Variants in LRRN1 observed in about 807,000 individuals in gnomAD.
The protein encoded by LRRN1 is leucine-rich repeat neuronal protein 1.
In LRRN1, 14 loss-of-function variants were observed where a neutral mutation model predicts 45.8. That is an observed-to-expected ratio of 0.31 (90% CI 0.20 to 0.48). The LOEUF (loss-of-function observed/expected upper bound fraction) is 0.48, where lower values mean the gene tolerates loss of function less well. LRRN1 is among the 20% of genes least tolerant of loss of function. The pLI is 0.99. For synonymous variants in LRRN1, 359 were observed against 330.1 expected, an observed-to-expected ratio of 1.09 and a Z score of -0.95; for missense variants, 789 against 874.2, an observed-to-expected ratio of 0.90 and a Z score of 1.23.
chr3:3,801,002 T>G (rs1035036476), intron 1 of LRRN1: 1 of 152,302 alleles, frequency 6.6e-6, no homozygotes, highest in Non-Finnish European at 1.5e-5. Flanking sequence ...CGGGGAAAAG[T>G]CCAGCAGCGA....
At chr3:3,803,169 T>C (rs1692690860) in intron 1 of LRRN1, among the ~76,000 whole-genome samples, 1 of 152,232 alleles carries the variant, frequency 6.6e-6, no homozygotes, top group South Asian at 2.1e-4. Context: ...GGCCACCTTC[T>C]TGATCTAAAC....
intron 1 of LRRN1, among the ~76,000 whole-genome samples, chr3:3,801,747 G>C (rs1267089949): frequency 1.3e-5 from 2 of 152,178 alleles, no homozygotes; most frequent in African/African-American, 2.4e-5. Flanking sequence ...TGTATTGAAA[G>C]CTCAAAGTGC....
At chr3:3,827,832 G>T (rs990795373) in intron 1 of LRRN1, among the ~76,000 whole-genome samples, 6 of 152,026 alleles carry the variant, frequency 3.9e-5, no homozygotes, top group Admixed American at 3.9e-4. Context: ...TTTATAAATT[G>T]CCTGGATAGG....
chr3:3,843,480 A>G (rs1416767577), intron 1 of LRRN1, among the ~76,000 whole-genome samples: 2 of 151,446 alleles, frequency 1.3e-5, no homozygotes, highest in Non-Finnish European at 2.9e-5. Flanking sequence ...TAGAATATTC[A>G]CAGAATTGTG....
chr3:3,833,073 G>A (rs1345954554), intron 1 of LRRN1, among the ~76,000 whole-genome samples: 10 of 152,270 alleles, frequency 6.6e-5, no homozygotes, highest in Admixed American at 2.0e-4. Context: ...TGTTCCCACC[G>A]TTAGATCTGA....
intron 1 of LRRN1, among the ~76,000 whole-genome samples, chr3:3,843,570 C>G (rs997588329): frequency 5.4e-5 from 5 of 92,372 alleles, no homozygotes; most frequent in South Asian, 9.7e-4. Context: ...TCCCACTGTA[C>G]CCCCCCCCAT....
chr3:3,831,259 G>A (rs898014084), intron 1 of LRRN1, among the ~76,000 whole-genome samples: 1 of 152,172 alleles, frequency 6.6e-6, no homozygotes, highest in Admixed American at 6.5e-5. Context: ...TGTAGGAGGG[G>A]CCAAATACAG....
chr3:3,803,171 G>T (rs1692690907), intron 1 of LRRN1, among the ~76,000 whole-genome samples: 1 of 152,144 alleles, frequency 6.6e-6, no homozygotes, highest in Non-Finnish European at 1.5e-5. Context: ...CCACCTTCTT[G>T]ATCTAAACTG....
chr3:3,843,573 C>G (rs545877430), intron 1 of LRRN1, among the ~76,000 whole-genome samples: 11 of 151,562 alleles, frequency 7.3e-5, no homozygotes, highest in Non-Finnish European at 1.5e-4. Context: ...CACTGTACCC[C>G]CCCCCATACC....
At position 3,845,329 on chromosome 3, in the gene LRRN1, A is replaced by G. The variant is rs773191726; in HGVS notation, c.688A>G (p.Ile230Val). The G allele has an allele frequency of 6.8e-6, 11 of 1,614,122 alleles. No homozygotes were observed. Among genetic ancestry groups the G allele is most frequent in the Non-Finnish European group, 9.3e-6 (11 of 1,180,020 alleles). ...LVLAGMYLTD[I>V]PGNALVGLDS... is the part of the protein sequence containing the mutation. ...TTTGGCAGGAATGTATCTCACTGAT[A>G]TTCCTGGAAATGCTTTGGTGGGTCT... Residue 230 changes from isoleucine (I) to valine (V), a missense_variant, in exon 2 of 2, where the codon ATT becomes GTT. By Grantham distance (29) the Ile-to-Val change is conservative (BLOSUM62 3). Coordinates refer to ENST00000319331, the MANE Select transcript of LRRN1 (RefSeq NM_020873.7). The surrounding 1 kb of genome is among the most constrained non-coding windows in gnomAD (Gnocchi z 6.5).
chr3:3,837,199 T>C (rs13083087), intron 1 of LRRN1, among the ~76,000 whole-genome samples: 1 of 152,032 alleles, frequency 6.6e-6, no homozygotes, highest in Non-Finnish European at 1.5e-5. Flanking sequence ...GCCCTGAGTG[T>C]GCAAAAAGAA....
chr3:3,813,658 C>T (rs1389471242), intron 1 of LRRN1, among the ~76,000 whole-genome samples: 1 of 152,088 alleles, frequency 6.6e-6, no homozygotes, highest in African/African-American at 2.4e-5. Flanking sequence ...AAACTCCAGT[C>T]CTATATTTCC....
chr3:3,841,304 A>G (rs1297748272), intron 1 of LRRN1, among the ~76,000 whole-genome samples: 1 of 150,348 alleles, frequency 6.7e-6, no homozygotes, highest in African/African-American at 2.4e-5. Context: ...AAAAAAAAAA[A>G]AAAATTAGTT....
In LRRN1 at chr3:3,835,607, G is replaced by A. The variant is rs183854588; in HGVS notation, c.-278-8757G>A. On this transcript the variant is annotated intron_variant, in intron 1 of 1. Transcript: ENST00000319331. ...TGATTTTTTTTTTTTTTTTTTTGCA[G>A]TAACAGAAATACAAATAACTAGCTT... Among the ~76,000 whole-genome samples the A allele has an allele frequency of 8.0e-5, 11 of 137,656 alleles. No individual in the cohort carries two copies. In the East Asian group the frequency reaches 8.5e-4, roughly 11 times the overall value. 90.3% of individuals were successfully genotyped at this position (137,656 alleles called of 152,430 possible). A position where few individuals can be genotyped will look rare whatever the true frequency, so the allele number is the denominator to read the frequency against.
chr3:3,819,425 A>G (rs1248917658), intron 1 of LRRN1, among the ~76,000 whole-genome samples: 1 of 152,238 alleles, frequency 6.6e-6, no homozygotes, highest in Non-Finnish European at 1.5e-5. Context: ...AGATGAAAGC[A>G]TCAAGGTGTC....
Position 3,845,169 on chromosome 3 carries a change from C to T in LRRN1, c.528C>T (p.Ser176=), listed in dbSNP as rs369516408. 1.3e-4 allele frequency: 214 copies of T among 1,614,018 alleles called. No homozygotes were observed. The highest frequency in any genetic ancestry group is 1.7e-4 in the Non-Finnish European group (200 of 1,180,038). ...LKNLLRLHLN[S]NKLKVIDSRW... ...ATCTATTAAGGCTCCACCTGAACTC[C>T]AACAAATTGAAAGTTATTGATAGTC... is the stretch of plus-strand genomic sequence containing the variant. Residue 176 remains serine, a synonymous_variant, in exon 2 of 2, where the codon TCC becomes TCT. Coordinates refer to ENST00000319331, the MANE Select transcript of LRRN1 (RefSeq NM_020873.7). This position sits in a 1 kb window ranked among gnomAD's most constrained non-coding sequence, Gnocchi z 6.5.
rs950918580 is a variant in LRRN1 at position 3,837,997 on chromosome 3, G to C, written c.-278-6367G>C. Among the ~76,000 whole-genome samples the C allele has an allele frequency of 2.0e-5, 3 of 152,114 alleles. No individual in the cohort carries two copies. The East Asian group carries it at 5.8e-4, about 29-fold the overall frequency. The stretch of plus-strand genomic sequence containing the variant: ...GAGAACATGTGGTGTTTGGTTTTCT[G>C]TTCCTGCGTTAGTTTGCTGAGGATA... On this transcript the variant is annotated intron_variant, in intron 1 of 1. Coordinates refer to ENST00000319331, the MANE Select transcript of LRRN1 (RefSeq NM_020873.7).
rs573088784 is a variant in LRRN1 at position 3,838,769 on chromosome 3, T to C, written c.-278-5595T>C. Among the ~76,000 whole-genome samples the C allele has an allele frequency of 9.8e-5, 15 of 152,308 alleles. No homozygotes were observed. In the South Asian group the frequency reaches 2.9e-3, roughly 29 times the overall value. ...GTGCTTTTTATTTGCATTTCTCTTA[T>C]GATTAGTGATATGGAGCATTTTTTC... On this transcript the variant is annotated intron_variant, in intron 1 of 1. Coordinates refer to ENST00000319331, the MANE Select transcript of LRRN1 (RefSeq NM_020873.7).
intron 1 of LRRN1, among the ~76,000 whole-genome samples, chr3:3,832,217 A>G (rs530867798): frequency 1.3e-5 from 2 of 152,156 alleles, no homozygotes; most frequent in African/African-American, 4.8e-5. Context: ...AATCTCTGCA[A>G]TTGCTCCAGG....
Sources: gnomAD v4.1 joint callset for allele counts (sites outside exome capture counted in the v4.1 genomes callset) on GRCh38, gnomAD v4.1.1 for gene constraint, Gnocchi (gnomAD v3.1) non-coding constraint, MANE v1.5 for transcripts, NCBI Gene and HGNC (gene_info 2026-07-23, HGNC 2026-07-21) for gene names.